The following ADCY2 variants were observed in gnomAD, a reference collection of about 807,000 sequenced individuals.
ADCY2 encodes adenylate cyclase 2.
ADCY2 carries 31 observed loss-of-function variants against 125.2 expected under a neutral mutation model. The ratio of observed to expected loss-of-function variants is 0.25; its 90% CI spans 0.19 to 0.33. The LOEUF is 0.33. Ranked by LOEUF, ADCY2 falls within the 10% of genes least tolerant of loss-of-function variation. The probability of loss-of-function intolerance (pLI) is 1.00; values close to 1 mark genes in which losing one functional copy is unlikely to be tolerated. For synonymous variants in ADCY2, 512 were observed against 548.4 expected (o/e 0.93, Z 0.93); for missense variants, 904 against 1,418.2 (o/e 0.64, Z 5.82).
At chr5:7,538,417 A>G (rs977990812) in intron 3 of ADCY2, among the ~76,000 whole-genome samples, 1 of 152,194 alleles carries the variant, frequency 6.6e-6, no homozygotes, top group Non-Finnish European at 1.5e-5. Flanking sequence ...ATTCCCAGCT[A>G]AATGCTTGGC....
chr5:7,542,391 T>C (rs1735024298), intron 3 of ADCY2, among the ~76,000 whole-genome samples: 1 of 152,086 alleles, frequency 6.6e-6, no homozygotes, highest in Non-Finnish European at 1.5e-5. Context: ...TTCGAGGCCA[T>C]TGAGCCATTG....
At chr5:7,650,920 T>C (rs1477118336) in intron 4 of ADCY2, among the ~76,000 whole-genome samples, 1 of 152,174 alleles carries the variant, frequency 6.6e-6, no homozygotes, top group Non-Finnish European at 1.5e-5. Context: ...GGTGCTGATT[T>C]ACTGACAAGA....
intron 2 of ADCY2, among the ~76,000 whole-genome samples, chr5:7,520,131 T>C (rs1313121344): frequency 6.6e-6 from 1 of 152,230 alleles, no homozygotes; most frequent in Non-Finnish European, 1.5e-5. Context: ...CATTTATCTG[T>C]TTCAGTACGT....
chr5:7,695,568 C>A lies in ADCY2; in HGVS notation c.870-184C>A, dbSNP rs114403062. Reference sequence around the variant, plus strand: ...CATCTTAACTACAAAAGTTTAACCTCAAAAAATGTTTAACAAGTTCAAAAA... The same window carrying A: ...CATCTTAACTACAAAAGTTTAACCTAAAAAAATGTTTAACAAGTTCAAAAA... On this transcript the variant is annotated intron_variant, in intron 5 of 24. Coordinates refer to ENST00000338316, the MANE Select transcript of ADCY2 (RefSeq NM_020546.3). Among the ~76,000 whole-genome samples, 290 of 152,102 alleles carry A rather than the reference C, an allele frequency of 1.9e-3. 2 individuals carry two copies. The highest frequency in any genetic ancestry group is 6.7e-3 in the African/African-American group (277 of 41,510).
At chr5:7,722,228 G>A (rs929574099) in intron 12 of ADCY2, among the ~76,000 whole-genome samples, 3 of 152,280 alleles carry the variant, frequency 2.0e-5, no homozygotes, top group African/African-American at 2.4e-5. Flanking sequence ...AAGGAAGCCT[G>A]ATCCTGAGCC....
At chr5:7,478,210 G>T (rs1175996273) in intron 2 of ADCY2, among the ~76,000 whole-genome samples, 1 of 152,046 alleles carries the variant, frequency 6.6e-6, no homozygotes. Context: ...GTCTTTGTGG[G>T]TTCTCTCTCT....
intron 4 of ADCY2, among the ~76,000 whole-genome samples, chr5:7,674,370 C>A (rs566320983): frequency 1.3e-5 from 2 of 152,008 alleles, no homozygotes; most frequent in Admixed American, 6.6e-5. Context: ...AGTATTGGTG[C>A]GGGGAGGGCG....
intron 4 of ADCY2, among the ~76,000 whole-genome samples, chr5:7,628,474 G>C (rs904325192): frequency 9.2e-5 from 14 of 152,276 alleles, no homozygotes; most frequent in African/African-American, 3.4e-4. Flanking sequence ...GGTAAGAGGA[G>C]CCACATTGAC....
chr5:7,441,715 C>T (rs766266712), intron 2 of ADCY2, among the ~76,000 whole-genome samples: 4 of 152,126 alleles, frequency 2.6e-5, no homozygotes, highest in East Asian at 3.9e-4. Context: ...ATTAAACACA[C>T]GTCTAGGTGT....
chr5:7,547,800 C>T (rs914153166), intron 3 of ADCY2, among the ~76,000 whole-genome samples: 31 of 152,218 alleles, frequency 2.0e-4, no homozygotes, highest in Non-Finnish European at 1.0e-4. Flanking sequence ...TGCTCCTTCC[C>T]ACACCCTCAC....
chr5:7,545,579 G>A (rs75903323), intron 3 of ADCY2, among the ~76,000 whole-genome samples: 3,177 of 152,122 alleles, frequency 0.021, 112 homozygotes, highest in African/African-American at 0.072. Context: ...ATCTGCCCCC[G>A]CCCCAAAGTC....
At chr5:7,599,634 G>T (rs1426253468) in intron 3 of ADCY2, among the ~76,000 whole-genome samples, 1 of 152,140 alleles carries the variant, frequency 6.6e-6, no homozygotes, top group East Asian at 1.9e-4. Context: ...ACATTACACT[G>T]TGGGGGATTG....
chr5:7,448,748 C>T (rs942626329), intron 2 of ADCY2, among the ~76,000 whole-genome samples: 5 of 152,136 alleles, frequency 3.3e-5, no homozygotes, highest in Non-Finnish European at 7.4e-5. Flanking sequence ...TTTCTGTTCC[C>T]GAGTTTGCTG....
At chr5:7,603,662 G>C (rs1737293077) in intron 3 of ADCY2, among the ~76,000 whole-genome samples, 1 of 152,002 alleles carries the variant, frequency 6.6e-6, no homozygotes, top group Non-Finnish European at 1.5e-5. Context: ...CATACCCACA[G>C]ATGTTCTAAT....
chr5:7,825,145 T>TGCTGTGTGCCACGAC (rs1561048343), intron 24 of ADCY2, among the ~76,000 whole-genome samples: 2 of 147,232 alleles, frequency 1.4e-5, no homozygotes, highest in African/African-American at 2.6e-5. Flanking sequence ...TGTCCCATAA[T>TGCTGTGTGCCACGAC]AACGCTGCTG....
chr5:7,756,209 C>G (rs1419148345), intron 15 of ADCY2, among the ~76,000 whole-genome samples: 1 of 152,230 alleles, frequency 6.6e-6, no homozygotes, highest in Non-Finnish European at 1.5e-5. Flanking sequence ...TTCAGTGGAA[C>G]TCTGTGTACT....
At chr5:7,596,705 C>T (rs181766410) in intron 3 of ADCY2, among the ~76,000 whole-genome samples, 1 of 152,156 alleles carries the variant, frequency 6.6e-6, no homozygotes, top group Non-Finnish European at 1.5e-5. Context: ...GCCTGGCACT[C>T]AGTAAAAGCT....
intron 3 of ADCY2, among the ~76,000 whole-genome samples, chr5:7,622,720 G>A (rs1362570119): frequency 6.6e-6 from 1 of 152,224 alleles, no homozygotes; most frequent in African/African-American, 2.4e-5. Flanking sequence ...GCCTCCTCTT[G>A]CTTGGGATGA....
In ADCY2 at chr5:7,569,700, C is replaced by A. The variant is rs139719063; in HGVS notation, c.570+48801C>A. 1.8e-4 allele frequency among the ~76,000 whole-genome samples: 27 copies of A among 152,216 alleles called. No homozygotes were observed. The East Asian group carries it at 5.2e-3, about 29-fold the overall frequency. ...TAATCATTCCTCTGAACTGTGGCCT[C>A]AGTATGACTCTGACTTCCTGAGCTC... On this transcript the variant is annotated intron_variant, in intron 3 of 24. Coordinates refer to ENST00000338316, the MANE Select transcript of ADCY2 (RefSeq NM_020546.3).
Sources: gnomAD v4.1 joint callset for allele counts (sites outside exome capture counted in the v4.1 genomes callset) on GRCh38, gnomAD v4.1.1 for gene constraint, MANE v1.5 for transcripts, NCBI Gene and HGNC (gene_info 2026-07-23, HGNC 2026-07-21) for gene names.